The following ACTR3C variants were observed in gnomAD, a reference collection of about 807,000 sequenced individuals.
ACTR3C encodes the protein actin related protein 3C, also known as actin-related protein 3C.
ACTR3C carries 18 observed loss-of-function variants against 26.3 expected under a neutral mutation model. The ratio of observed to expected loss-of-function variants is 0.68; its 90% CI spans 0.47 to 1.01. The LOEUF is 1.01. Ranked by LOEUF, ACTR3C falls within the 50% of genes least tolerant of loss-of-function variation. ACTR3C has a pLI of 0.00. For synonymous variants in ACTR3C, 55 were observed against 94.5 expected, an observed-to-expected ratio of 0.58 and a Z score of 2.42; for missense variants, 184 against 250.7, an observed-to-expected ratio of 0.73 and a Z score of 1.80.
At chr7:150,253,920 TTC>T (rs201165265) in intron 6 of ACTR3C, among the ~76,000 whole-genome samples, 27 of 150,542 alleles carry the variant, frequency 1.8e-4, no homozygotes, top group African/African-American at 6.5e-4. Flanking sequence ...GTTTTTTTTT[TTC>T]CCCCAGCATT....
At chr7:150,006,134 G>A in the ACTR3C span, among the ~76,000 whole-genome samples, 1 of 148,832 alleles carries the variant, frequency 6.7e-6, no homozygotes, top group Non-Finnish European at 1.5e-5. Flanking sequence ...GGTTGGCTCA[G>A]TTCTTCTGGG....
chr7:150,186,507 A>G, the ACTR3C span, among the ~76,000 whole-genome samples: 2 of 152,162 alleles, frequency 1.3e-5, no homozygotes, highest in African/African-American at 4.8e-5. Flanking sequence ...TAATCAGGAT[A>G]AAAAACACGT....
the ACTR3C span, chr7:149,892,482 A>C: frequency 1.8e-5 from 23 of 1,304,390 alleles, no homozygotes; most frequent in Non-Finnish European, 1.8e-5. Flanking sequence ...CCTAATATAC[A>C]CACAAGTAAA....
At chr7:150,250,326 C>G (rs990631109) in intron 6 of ACTR3C, among the ~76,000 whole-genome samples, 29 of 150,974 alleles carry the variant, frequency 1.9e-4, no homozygotes, top group African/African-American at 6.9e-4. Context: ...GCCTCAGCCT[C>G]CCGAGTAGCT....
chr7:150,081,212 G>A, the ACTR3C span, among the ~76,000 whole-genome samples: 14 of 150,640 alleles, frequency 9.3e-5, no homozygotes, highest in Admixed American at 2.6e-4. Flanking sequence ...GAGGGAAGGA[G>A]GGAAGGAAGA....
the ACTR3C span, among the ~76,000 whole-genome samples, chr7:150,148,073 C>A: frequency 1.4e-5 from 2 of 144,070 alleles, no homozygotes; most frequent in South Asian, 2.3e-4. Flanking sequence ...ATAAAATAAT[C>A]TGTACAACAA....
At chr7:149,955,954 T>G in the ACTR3C span, among the ~76,000 whole-genome samples, 1 of 152,224 alleles carries the variant, frequency 6.6e-6, no homozygotes, top group African/African-American at 2.4e-5. Context: ...GAAAAGACTT[T>G]GGAGATTACT....
intron 1 of ACTR3C, among the ~76,000 whole-genome samples, chr7:150,319,420 T>C (rs2129617575): frequency 6.6e-6 from 1 of 152,294 alleles, no homozygotes; most frequent in East Asian, 1.9e-4. Context: ...TTTCTCAGGC[T>C]GGTCTTGAAC....
the ACTR3C span, among the ~76,000 whole-genome samples, chr7:149,984,587 G>T: frequency 4.6e-5 from 7 of 150,964 alleles, no homozygotes; most frequent in East Asian, 1.2e-3. Flanking sequence ...TAATGTAATA[G>T]TTGATCTAAA....
chr7:149,912,969 A>G, the ACTR3C span, among the ~76,000 whole-genome samples: 38 of 152,314 alleles, frequency 2.5e-4, no homozygotes, highest in Non-Finnish European at 4.4e-4. Flanking sequence ...AGTATCAAAT[A>G]CACTTGAAGT....
chr7:149,945,318 A>ACAGGCTGCAGGGTCTTGGGG, the ACTR3C span, among the ~76,000 whole-genome samples: 28,478 of 106,320 alleles, frequency 0.27, 5,477 homozygotes, highest in Non-Finnish European at 0.34. Context: ...TCCATCAGTG[A>ACAGGCTGCAGGGTCTTGGGG]CAACCTCCCA....
chr7:150,226,751 A>T, the ACTR3C span, among the ~76,000 whole-genome samples: 4 of 152,060 alleles, frequency 2.6e-5, no homozygotes, highest in Admixed American at 6.5e-5. Context: ...TTGCCGTTTT[A>T]ATTTGAAAAT....
chr7:149,884,241 A>G, the ACTR3C span, among the ~76,000 whole-genome samples: 1 of 152,214 alleles, frequency 6.6e-6, no homozygotes, highest in Non-Finnish European at 1.5e-5. Flanking sequence ...CAGGCACCAC[A>G]GTTTTGCTTG....
the ACTR3C span, among the ~76,000 whole-genome samples, chr7:149,883,278 C>T: frequency 2.0e-5 from 3 of 152,116 alleles, no homozygotes; most frequent in Non-Finnish European, 2.9e-5. Flanking sequence ...GGGGTTTGGA[C>T]ACAGTCACTA....
the ACTR3C span, among the ~76,000 whole-genome samples, chr7:150,206,518 A>C: frequency 6.6e-6 from 1 of 152,094 alleles, no homozygotes; most frequent in African/African-American, 2.4e-5. Context: ...GGGTCAAGCG[A>C]TTCCCTTGCC....
chr7:150,208,862 T>C, the ACTR3C span, among the ~76,000 whole-genome samples: 1 of 152,130 alleles, frequency 6.6e-6, no homozygotes, highest in Non-Finnish European at 1.5e-5. Flanking sequence ...ACTTTTAACA[T>C]TAGTGGAGGT....
chr7:150,301,797 T>C lies in ACTR3C; in HGVS notation c.-51-6450A>G, dbSNP rs540892897. 1.7e-3 allele frequency among the ~76,000 whole-genome samples: 252 copies of C among 150,420 alleles called. 1 individual carries two copies. The highest frequency in any genetic ancestry group is 5.9e-3 in the African/African-American group (234 of 39,848). Reference sequence around the variant, plus strand: ...AAGGACAAATACTATATGATTCCATTTATATGAGGGCCCTAGAGTCATCAA... The same window carrying C: ...AAGGACAAATACTATATGATTCCATCTATATGAGGGCCCTAGAGTCATCAA... On this transcript the variant is annotated intron_variant, in intron 1 of 7. Coordinates refer to ENST00000683684, the MANE Select transcript of ACTR3C (RefSeq NM_001164458.2).
the ACTR3C span, among the ~76,000 whole-genome samples, chr7:149,883,919 GT>G: frequency 5.0e-4 from 76 of 150,762 alleles, 1 homozygote; most frequent in South Asian, 0.016. Flanking sequence ...TTCCCGAACT[GT>G]TTCGTACCTC....
the ACTR3C span, among the ~76,000 whole-genome samples, chr7:150,066,332 G>A: frequency 1.3e-5 from 2 of 152,188 alleles, no homozygotes; most frequent in African/African-American, 2.4e-5. Flanking sequence ...TGTGTGAACT[G>A]GAACAGGCCT....
Sources: gnomAD v4.1 joint callset for allele counts (sites outside exome capture counted in the v4.1 genomes callset) on GRCh38, gnomAD v4.1.1 for gene constraint, MANE v1.5 for transcripts, NCBI Gene and HGNC (gene_info 2026-07-23, HGNC 2026-07-21) for gene names.